The following DCTD variants were observed in gnomAD, a reference collection of about 807,000 sequenced individuals.
DCTD encodes the protein deoxycytidylate deaminase.
Under a neutral mutation model 21.0 loss-of-function variants are expected in DCTD, and 23 were observed. That is an observed-to-expected ratio of 1.09 (90% CI 0.79 to 1.55). The LOEUF is 1.55. Ranked by LOEUF, DCTD falls within the 40% of genes most tolerant of loss-of-function variation. The probability of loss-of-function intolerance (pLI) is 0.00; values close to 1 mark genes in which losing one functional copy is unlikely to be tolerated. For synonymous variants in DCTD, 71 were observed against 81.1 expected (o/e 0.88, Z 0.67); for missense variants, 224 against 230.0 (o/e 0.97, Z 0.17).
chr4:182,913,390 C>T (rs1042969072), intron 3 of DCTD, among the ~76,000 whole-genome samples: 1 of 152,230 alleles, frequency 6.6e-6, no homozygotes, highest in African/African-American at 2.4e-5. Flanking sequence ...CTTTGCAGTC[C>T]TCAGTTCCTC....
chr4:182,901,777 T>TA (rs33920727), intron 3 of DCTD, among the ~76,000 whole-genome samples: 2,672 of 139,634 alleles, frequency 0.019, 46 homozygotes, highest in African/African-American at 0.051. Flanking sequence ...ACCTGTGCAT[T>TA]AAAAAAAAAA....
At chr4:182,903,837 TACCA>T (rs1185102888) in intron 3 of DCTD, among the ~76,000 whole-genome samples, 1 of 152,104 alleles carries the variant, frequency 6.6e-6, no homozygotes, top group Non-Finnish European at 1.5e-5. Context: ...GTCCACAACC[TACCA>T]GTCAAGCATC....
chr4:182,913,637 C>T (rs1391011758), intron 3 of DCTD, among the ~76,000 whole-genome samples: 1 of 152,228 alleles, frequency 6.6e-6, no homozygotes, highest in Admixed American at 6.5e-5. Context: ...GGCCTGAAGA[C>T]ACAATCTTTC....
chr4:182,915,307 A>G (rs116510341), intron 2 of DCTD, among the ~76,000 whole-genome samples, 154 bp downstream of exon 2: 1,875 of 152,370 alleles, frequency 0.012, 28 homozygotes, highest in African/African-American at 0.043. Context: ...TCTGTCTCAC[A>G]GGAAGAACTA....
intron 3 of DCTD, among the ~76,000 whole-genome samples, chr4:182,900,316 A>G (rs927096391): frequency 2.0e-5 from 3 of 151,024 alleles, no homozygotes; most frequent in Admixed American, 2.0e-4. Context: ...ACCCCATCTC[A>G]GAAAAAAAAA....
rs59234280 is a variant in DCTD, at chr4:182,900,772, A to G, written c.245-6167T>C. ...TTAAAAGGAAAAGAATCAAATGCTG[A>G]AAATATCAGATTAATGCTTAGAAGG... On this transcript the variant is annotated intron_variant, in intron 3 of 5. Transcript: ENST00000438320. Among the ~76,000 whole-genome samples, 819 of 152,300 alleles carry G rather than the reference A, an allele frequency of 5.4e-3. 17 individuals are homozygous for G. In the East Asian group the frequency reaches 0.074, roughly 14 times the overall value.
chr4:182,892,579 G>A (rs1394031199), intron 5 of DCTD, among the ~76,000 whole-genome samples: 1 of 151,976 alleles, frequency 6.6e-6, no homozygotes, highest in African/African-American at 2.4e-5. Context: ...CAGTGAGCCA[G>A]GATCGCACCA....
chr4:182,913,193 G>A (rs1016211728), intron 3 of DCTD, among the ~76,000 whole-genome samples: 10 of 152,242 alleles, frequency 6.6e-5, no homozygotes, highest in African/African-American at 1.2e-4. Flanking sequence ...TTCTGAGTCC[G>A]CGCATTTTTC....
chr4:182,890,587 A>T lies in DCTD; in HGVS notation c.*812T>A, dbSNP rs951992707. 1.3e-5 allele frequency: 2 copies of T among 152,298 alleles called. No homozygotes were observed. Among genetic ancestry groups the T allele is most frequent in the Non-Finnish European group, 2.9e-5 (2 of 68,084 alleles). 9.4% of individuals were successfully genotyped at this position (152,298 alleles called of 1,614,324 possible). On this transcript the variant is annotated 3_prime_UTR_variant, in exon 6 of 6. Transcript: ENST00000438320. ...CCTCCCATCCACAGCCCCAGCTGCC[A>T]CCACGGCAGGGCATGGGCTTTGGGG...
At chr4:182,905,116 G>A (rs1200317300) in intron 3 of DCTD, among the ~76,000 whole-genome samples, 2 of 151,984 alleles carry the variant, frequency 1.3e-5, no homozygotes, top group East Asian at 1.9e-4. Flanking sequence ...CCCAAAGCCC[G>A]ATCTAAATAA....
chr4:182,900,882 TACTA>T (rs961905735), intron 3 of DCTD, among the ~76,000 whole-genome samples: 3 of 151,352 alleles, frequency 2.0e-5, no homozygotes, highest in South Asian at 4.2e-4. Context: ...TCTTTTCTAT[TACTA>T]ACTGTCAGAA....
intron 1 of DCTD, 25 bp from the exon 2 acceptor site, chr4:182,915,600 G>C: frequency 7.1e-7 from 1 of 1,407,830 alleles, no homozygotes; most frequent in Non-Finnish European, 1.0e-6. Context: ...TGACAAAACA[G>C]AAGTTGAGAG....
chr4:182,913,042 C>G (rs13137448), intron 3 of DCTD, among the ~76,000 whole-genome samples: 7 of 152,238 alleles, frequency 4.6e-5, no homozygotes, highest in Non-Finnish European at 1.0e-4. Flanking sequence ...TTTAACATAT[C>G]GACCCTCCAC....
At chr4:182,911,208 A>G (rs988458026) in intron 3 of DCTD, 2 of 152,196 alleles carry the variant, frequency 1.3e-5, no homozygotes, top group African/African-American at 4.8e-5. Flanking sequence ...GAAAAAGAGT[A>G]ACTGAGCTCC....
chr4:182,900,650 C>T (rs1445090474), intron 3 of DCTD, among the ~76,000 whole-genome samples: 1 of 151,786 alleles, frequency 6.6e-6, no homozygotes, highest in Non-Finnish European at 1.5e-5. Context: ...TACACATCTA[C>T]AGCTAAGCAA....
chr4:182,903,569 G>A (rs1278480629), intron 3 of DCTD, among the ~76,000 whole-genome samples: 1 of 152,184 alleles, frequency 6.6e-6, no homozygotes, highest in African/African-American at 2.4e-5. Flanking sequence ...TCTGCTAGAA[G>A]AAAATGACAG....
chr4:182,908,499 T>C (rs1321700662), intron 3 of DCTD, among the ~76,000 whole-genome samples: 1 of 151,930 alleles, frequency 6.6e-6, no homozygotes, highest in Non-Finnish European at 1.5e-5. Context: ...CTGGCCAACA[T>C]GGTGAAACCC....
At chr4:182,900,598 TAA>T (rs56147511) in intron 3 of DCTD, among the ~76,000 whole-genome samples, 2 of 145,150 alleles carry the variant, frequency 1.4e-5, no homozygotes, top group Admixed American at 6.9e-5. Context: ...GTCTAAATTG[TAA>T]AAAAAAAAAG....
At chr4:182,917,396 C>T, upstream of DCTD, 1 of 1,064,324 alleles carries the variant, frequency 9.4e-7, no homozygotes, top group Non-Finnish European at 1.1e-6. The surrounding 1 kb of genome is among the most constrained non-coding windows in gnomAD (Gnocchi z 4.9). Context: ...GGAGGCGGGG[C>T]CGCCGCGGGG....
Sources: allele counts gnomAD v4.1 joint callset (sites outside exome capture counted in the v4.1 genomes callset), GRCh38; gene constraint gnomAD v4.1.1; non-coding constraint Gnocchi (gnomAD v3.1); transcripts MANE v1.5; gene names NCBI Gene and HGNC (gene_info 2026-07-23, HGNC 2026-07-21).